Variants in ONECUT1 observed in about 807,000 individuals in gnomAD.
ONECUT1 encodes the protein one cut homeobox 1.
In ONECUT1, 12 loss-of-function variants were observed where a neutral mutation model predicts 25.6. That is an observed-to-expected ratio of 0.47 (90% CI 0.30 to 0.76). The LOEUF is 0.76. Ranked by LOEUF, ONECUT1 falls within the 30% of genes least tolerant of loss-of-function variation. The pLI, the probability that ONECUT1 is intolerant of heterozygous loss-of-function variation, is 0.07. For missense variants in ONECUT1, 620 were observed against 651.2 expected, an observed-to-expected ratio of 0.95 and a Z score of 0.52; for synonymous variants, 285 against 270.2, an observed-to-expected ratio of 1.05 and a Z score of -0.54.
At chr15:52,770,871 A>G (rs951150111) in intron 1 of ONECUT1, among the ~76,000 whole-genome samples, 3 of 152,194 alleles carry the variant, frequency 2.0e-5, no homozygotes, top group Non-Finnish European at 4.4e-5. Flanking sequence ...TGAGAGAGAG[A>G]GAGAGAGAAC....
Position 52,790,272 on chromosome 15 carries a change from G to T in ONECUT1, c.-388C>A, listed in dbSNP as rs1213843479. 3.3e-5 allele frequency among the ~76,000 whole-genome samples: 5 copies of T among 150,976 alleles called. No homozygotes were observed. The highest frequency in any genetic ancestry group is 1.2e-4 in the African/African-American group (5 of 41,204). On this transcript the variant is annotated 5_prime_UTR_variant, in exon 1 of 2. Coordinates refer to ENST00000305901, the MANE Select transcript of ONECUT1 (RefSeq NM_004498.4). ...CTCCGGCTCCCCTGCCGCGGCCCGC[G>T]CGCCTGCCGCGTCTGCTGCCTGCCC...
chr15:52,779,600 G>A (rs549823906), intron 1 of ONECUT1, among the ~76,000 whole-genome samples: 1 of 152,200 alleles, frequency 6.6e-6, no homozygotes, highest in South Asian at 2.1e-4. Flanking sequence ...CTTGTCCTTG[G>A]ATCATTCCCC....
chr15:52,788,608 A>G lies in ONECUT1; in HGVS notation c.1105+172T>C. ...AACACCCTGAGCCCTGGAGTAGGCA[A>G]TTTGCTCCCACAGCCCTGTGCTGGC... On this transcript the variant is annotated intron_variant, in intron 1 of 1. Transcript: ENST00000305901. The surrounding 1 kb of genome is among the most constrained non-coding windows in gnomAD (Gnocchi z 4.3). 2.9e-6 allele frequency: 2 copies of G among 688,762 alleles called. No individual in the cohort carries two copies. The highest frequency in any genetic ancestry group is 4.7e-6 in the Non-Finnish European group (2 of 421,676). The allele number at this position is 688,762 out of a possible 1,614,324, so 42.7% of individuals were successfully genotyped here. A position where few individuals can be genotyped will look rare whatever the true frequency, so the allele number is the denominator to read the frequency against.
chr15:52,775,576 C>T (rs1386728224), intron 1 of ONECUT1, among the ~76,000 whole-genome samples: 1 of 151,666 alleles, frequency 6.6e-6, no homozygotes, highest in Non-Finnish European at 1.5e-5. Context: ...GACTTGGGGA[C>T]TTAGGGAATA....
At chr15:52,775,265 G>A (rs1332329401) in intron 1 of ONECUT1, among the ~76,000 whole-genome samples, 1 of 151,648 alleles carries the variant, frequency 6.6e-6, no homozygotes, top group Non-Finnish European at 1.5e-5. Context: ...TTCAACCTAC[G>A]CAGAGGGGTG....
rs1046162980 is a variant in ONECUT1, at chr15:52,784,078, G to A, written c.1105+4702C>T. Among the ~76,000 whole-genome samples the A allele has an allele frequency of 1.3e-5, 2 of 152,196 alleles. No homozygotes were observed. Among genetic ancestry groups the A allele is most frequent in the African/African-American group, 2.4e-5 (1 of 41,444 alleles). On this transcript the variant is annotated intron_variant, in intron 1 of 1. Transcript: ENST00000305901. This position sits in a 1 kb window ranked among gnomAD's most constrained non-coding sequence, Gnocchi z 5.0. ...GGACGCTCGCGGGTCGCCCAGCCCC[G>A]ACGGCCCGCAGGGGGCGCGCGCCGC...
chr15:52,778,381 C>T (rs1436047880), intron 1 of ONECUT1, among the ~76,000 whole-genome samples: 8 of 152,166 alleles, frequency 5.3e-5, no homozygotes, highest in Non-Finnish European at 5.9e-5. Context: ...AGGAACAATG[C>T]TGCCAAGAAC....
At chr15:52,776,756 A>G (rs1234405452) in intron 1 of ONECUT1, among the ~76,000 whole-genome samples, 1 of 152,186 alleles carries the variant, frequency 6.6e-6, no homozygotes, top group African/African-American at 2.4e-5. Flanking sequence ...GATACAATAA[A>G]CACCTCATTC....
At position 52,784,671 on chromosome 15, in the gene ONECUT1, C is replaced by A. The variant is rs148213707; in HGVS notation, c.1105+4109G>T. ...CCTACACCCTCGAGGGGACAGACAC[C>A]GGCCGTGAGACAGGCACCACGCAGA... On this transcript the variant is annotated intron_variant, in intron 1 of 1. Transcript: ENST00000305901. This position sits in a 1 kb window ranked among gnomAD's most constrained non-coding sequence, Gnocchi z 5.0. 5.3e-3 allele frequency among the ~76,000 whole-genome samples: 814 copies of A among 152,326 alleles called. 7 individuals carry two copies. Among genetic ancestry groups the A allele is most frequent in the Non-Finnish European group, 9.4e-3 (640 of 68,022 alleles).
At chr15:52,777,741 A>C (rs974271638) in intron 1 of ONECUT1, among the ~76,000 whole-genome samples, 53 of 135,200 alleles carry the variant, frequency 3.9e-4, no homozygotes, top group Admixed American at 3.3e-3. Flanking sequence ...CACACACAAA[A>C]AAACATGTAA....
At chr15:52,779,288 C>G (rs1405275207) in intron 1 of ONECUT1, among the ~76,000 whole-genome samples, 1 of 151,862 alleles carries the variant, frequency 6.6e-6, no homozygotes, top group Non-Finnish European at 1.5e-5. Context: ...CAGGGTTTCA[C>G]CCTGTTGGCC....
At chr15:52,763,608 G>A (rs1041192889) in intron 1 of ONECUT1, among the ~76,000 whole-genome samples, 4 of 152,174 alleles carry the variant, frequency 2.6e-5, no homozygotes, top group Non-Finnish European at 5.9e-5. Flanking sequence ...TTTAATGCAG[G>A]ACTTTTCAGA....
At chr15:52,775,833 A>C (rs576379819) in intron 1 of ONECUT1, among the ~76,000 whole-genome samples, 14 of 152,234 alleles carry the variant, frequency 9.2e-5, no homozygotes, top group Non-Finnish European at 1.9e-4. Context: ...TAAGTGACTC[A>C]AACCAAGACT....
intron 1 of ONECUT1, among the ~76,000 whole-genome samples, chr15:52,769,059 A>G (rs2083750997): frequency 6.6e-6 from 1 of 152,196 alleles, no homozygotes; most frequent in Non-Finnish European, 1.5e-5. Context: ...TTTGCTCAAG[A>G]TGTCTCCTAC....
At position 52,780,789 on chromosome 15, in the gene ONECUT1, T is replaced by C. The variant is rs2083836054; in HGVS notation, c.1105+7991A>G. ...AAGAAAGCAAAAAGCACATAGTTTATTGCGTTCCTTCGATAACCTCTCTTT... is the reference window on the plus strand; with the variant it reads ...AAGAAAGCAAAAAGCACATAGTTTACTGCGTTCCTTCGATAACCTCTCTTT... On this transcript the variant is annotated intron_variant, in intron 1 of 1. Coordinates refer to ENST00000305901, the MANE Select transcript of ONECUT1 (RefSeq NM_004498.4). 2.9e-6 allele frequency: 4 copies of C among 1,393,040 alleles called. No homozygotes were observed. In the East Asian group the frequency reaches 7.9e-5, roughly 28 times the overall value. The allele number at this position is 1,393,040 out of a possible 1,614,324, so 86.3% of individuals were successfully genotyped here.
In ONECUT1 at chr15:52,789,667, CGGTGGT is replaced by C; in HGVS notation, c.212_217del (p.His71_His72del). On this transcript the variant is annotated inframe_deletion, in exon 1 of 2. Coordinates refer to ENST00000305901, the MANE Select transcript of ONECUT1 (RefSeq NM_004498.4). This position sits in a 1 kb window ranked among gnomAD's most constrained non-coding sequence, Gnocchi z 4.1. ...GCCGGCCAGGCTGTGCTCAGGGGCC[CGGTGGT>C]GGTGGTGGTAATCTCCGCCGCCGCT... 1.3e-6 allele frequency: 2 copies of C among 1,518,686 alleles called. No individual in the cohort carries two copies. The highest frequency in any genetic ancestry group is 8.8e-7 in the Non-Finnish European group (1 of 1,136,498). The allele number at this position is 1,518,686 out of a possible 1,614,324, so 94.1% of individuals were successfully genotyped here.
In ONECUT1 at chr15:52,789,194, C is replaced by A; in HGVS notation, c.691G>T (p.Glu231Ter). 6.4e-7 allele frequency: 1 copy of A among 1,572,772 alleles called. No individual in the cohort carries two copies. The highest frequency in any genetic ancestry group is 8.6e-7 in the Non-Finnish European group (1 of 1,162,402). Residue 231 changes from glutamate (E) to a stop codon, truncating the protein, a stop_gained, in exon 1 of 2, where the codon GAG becomes TAG. Coordinates refer to ENST00000305901, the MANE Select transcript of ONECUT1 (RefSeq NM_004498.4). LOFTEE classifies it high-confidence loss of function. The surrounding 1 kb of genome is among the most constrained non-coding windows in gnomAD (Gnocchi z 4.1). ...HHPAMLGRHGEQHLTPTSAGM... is the reference protein window; with the variant it reads ...HHPAMLGRHG Reference sequence around the variant, plus strand: ...GCCGAGGTGGGCGTGAGGTGCTGCTCCCCGTGGCGGCCGAGCATGGCCGGG... The same window carrying A: ...GCCGAGGTGGGCGTGAGGTGCTGCTACCCGTGGCGGCCGAGCATGGCCGGG...
chr15:52,788,514 C>G lies in ONECUT1; in HGVS notation c.1105+266G>C. The G allele has an allele frequency of 2.2e-6, 1 of 458,988 alleles. No individual in the cohort carries two copies. The allele number at this position is 458,988 out of a possible 1,614,324, so 28.4% of individuals were successfully genotyped here. On this transcript the variant is annotated intron_variant, in intron 1 of 1. Coordinates refer to ENST00000305901, the MANE Select transcript of ONECUT1 (RefSeq NM_004498.4). This position sits in a 1 kb window ranked among gnomAD's most constrained non-coding sequence, Gnocchi z 4.3. ...GGCCGTACGAGCTTCCCTCGCTGTCCCTGAGCGCAAATGAGCCTCTTCAGT... is the reference window on the plus strand; with the variant it reads ...GGCCGTACGAGCTTCCCTCGCTGTCGCTGAGCGCAAATGAGCCTCTTCAGT...
At chr15:52,781,506 G>A (rs2141461323) in intron 1 of ONECUT1, among the ~76,000 whole-genome samples, 1 of 152,318 alleles carries the variant, frequency 6.6e-6, no homozygotes, top group East Asian at 1.9e-4. Context: ...TGGTGCACCT[G>A]TCCTGGCAAC....
Sources: gnomAD v4.1 joint callset for allele counts (sites outside exome capture counted in the v4.1 genomes callset) on GRCh38, gnomAD v4.1.1 for gene constraint, Gnocchi (gnomAD v3.1) non-coding constraint, MANE v1.5 for transcripts, NCBI Gene and HGNC (gene_info 2026-07-23, HGNC 2026-07-21) for gene names.